The following ZNG1B variants were observed in gnomAD, a reference collection of about 807,000 sequenced individuals.
The protein encoded by ZNG1B is zinc-regulated GTPase metalloprotein activator 1B.
chr2:113,473,052 ATTG>A, the ZNG1B span, among the ~76,000 whole-genome samples: 1 of 150,360 alleles, frequency 6.7e-6, no homozygotes, highest in Admixed American at 6.6e-5. Flanking sequence ...TGGGGATGGC[ATTG>A]AATCTGTAAA....
the ZNG1B span, among the ~76,000 whole-genome samples, chr2:113,483,482 C>T: frequency 2.0e-5 from 3 of 149,836 alleles, no homozygotes; most frequent in Non-Finnish European, 3.0e-5. Context: ...AAATCAGAAT[C>T]GCATGTGGAG....
chr2:113,483,213 T>C, the ZNG1B span, among the ~76,000 whole-genome samples: 5 of 152,250 alleles, frequency 3.3e-5, no homozygotes, highest in African/African-American at 9.6e-5. Flanking sequence ...CCAAGAATCA[T>C]AGGGATGAAA....
chr2:113,441,484 G>C, the ZNG1B span: 1 of 1,609,950 alleles, frequency 6.2e-7, no homozygotes, highest in East Asian at 2.2e-5. Flanking sequence ...TTGTGTGACT[G>C]TTTATTCCTC....
At chr2:113,485,426 G>C in the ZNG1B span, among the ~76,000 whole-genome samples, 1 of 142,718 alleles carries the variant, frequency 7.0e-6, no homozygotes, top group African/African-American at 2.7e-5. Context: ...AAGATACTGT[G>C]TGATAAGGGC....
the ZNG1B span, among the ~76,000 whole-genome samples, chr2:113,451,044 T>G: frequency 2.0e-5 from 3 of 152,324 alleles, no homozygotes; most frequent in African/African-American, 7.2e-5. Context: ...CATTTCTCTT[T>G]GTTCTGAGCC....
At chr2:113,474,492 G>A in the ZNG1B span, among the ~76,000 whole-genome samples, 5 of 149,702 alleles carry the variant, frequency 3.3e-5, no homozygotes, top group African/African-American at 1.2e-4. Context: ...ATTTCCTTCA[G>A]TTCTGCTCTG....
the ZNG1B span, among the ~76,000 whole-genome samples, chr2:113,485,194 G>A: frequency 7.3e-6 from 1 of 137,726 alleles, no homozygotes; most frequent in South Asian, 2.3e-4. Flanking sequence ...TTTTTTGACC[G>A]GAAGAAGTAA....
the ZNG1B span, among the ~76,000 whole-genome samples, chr2:113,480,028 C>T: frequency 4.0e-5 from 6 of 151,334 alleles, no homozygotes; most frequent in South Asian, 2.1e-4. Context: ...GCCATGTTGC[C>T]GAAGCTGATC....
chr2:113,440,939 G>T, the ZNG1B span, among the ~76,000 whole-genome samples: 2 of 143,354 alleles, frequency 1.4e-5, no homozygotes, highest in African/African-American at 2.6e-5. Context: ...TCTGTCCATT[G>T]TTGACACTAC....
At chr2:113,476,892 C>T in the ZNG1B span, among the ~76,000 whole-genome samples, 19 of 152,324 alleles carry the variant, frequency 1.2e-4, no homozygotes, top group East Asian at 3.9e-4. Context: ...TCTCCAGCTG[C>T]GTGCTGGGGG....
chr2:113,483,611 TATAAA>T, the ZNG1B span, among the ~76,000 whole-genome samples: 1 of 150,736 alleles, frequency 6.6e-6, no homozygotes, highest in African/African-American at 2.4e-5. Context: ...ATTTCAAAGA[TATAAA>T]AGAATAAACA....
At chr2:113,469,403 A>G in the ZNG1B span, 2 of 147,170 alleles carry the variant, frequency 1.4e-5, no homozygotes, top group East Asian at 4.3e-4. Context: ...TGGCCTCCCA[A>G]AGTGGAGCCC....
chr2:113,439,415 G>C, the ZNG1B span, among the ~76,000 whole-genome samples: 4 of 151,988 alleles, frequency 2.6e-5, no homozygotes, highest in East Asian at 7.7e-4. Context: ...AACTTCGTCT[G>C]TTACCATCCC....
At chr2:113,439,946 G>A in the ZNG1B span, among the ~76,000 whole-genome samples, 14 of 141,146 alleles carry the variant, frequency 9.9e-5, no homozygotes, top group South Asian at 1.6e-3. Context: ...GTGCAGTGGC[G>A]GGATCTCGGC....
At chr2:113,485,175 GGTAGGATTTTTTTTGACC>G in the ZNG1B span, among the ~76,000 whole-genome samples, 1 of 143,964 alleles carries the variant, frequency 6.9e-6, no homozygotes, top group Non-Finnish European at 1.5e-5. Flanking sequence ...TTTTTTTGAC[GGTAGGATTTTTTTTGACC>G]GGAAGAAGTA....
the ZNG1B span, among the ~76,000 whole-genome samples, chr2:113,487,462 T>C: frequency 6.6e-6 from 1 of 152,206 alleles, no homozygotes; most frequent in African/African-American, 2.4e-5. Flanking sequence ...ATGTACATTG[T>C]TATATAGCAG....
the ZNG1B span, chr2:113,462,516 A>G: frequency 6.3e-7 from 1 of 1,585,450 alleles, no homozygotes; most frequent in African/African-American, 1.3e-5. Flanking sequence ...TAAGTGTGTT[A>G]AGTGCCTACA....
chr2:113,454,698 A>C, the ZNG1B span: 12 of 1,560,052 alleles, frequency 7.7e-6, no homozygotes, highest in Non-Finnish European at 9.7e-6. Context: ...ATATTAATAA[A>C]CATTCTTTTT....
the ZNG1B span, among the ~76,000 whole-genome samples, chr2:113,490,731 A>G: frequency 6.6e-6 from 1 of 151,800 alleles, no homozygotes; most frequent in Non-Finnish European, 1.5e-5. Context: ...AAAACCTAAA[A>G]TAGATGGAGA....
Sources: allele counts gnomAD v4.1 joint callset (sites outside exome capture counted in the v4.1 genomes callset), GRCh38; gene constraint gnomAD v4.1.1; transcripts MANE v1.5; gene names NCBI Gene and HGNC (gene_info 2026-07-23, HGNC 2026-07-21).